Variants in ANKMY1 observed in about 807,000 individuals in gnomAD.
ANKMY1 encodes ankyrin repeat and MYND domain-containing protein 1.
In ANKMY1, 98 loss-of-function variants were observed where a neutral mutation model predicts 102.0. The observed-to-expected ratio is 0.96, with a 90% CI of 0.82 to 1.14. The LOEUF (loss-of-function observed/expected upper bound fraction) is 1.14. ANKMY1 is among the 50% of genes most tolerant of loss of function. ANKMY1 has a pLI of 0.00. For missense variants in ANKMY1, 1,330 were observed against 1,347.6 expected (o/e 0.99, Z 0.20); for synonymous variants, 582 against 559.9 (o/e 1.04, Z -0.56).
At position 240,479,657 on chromosome 2, in the gene ANKMY1, T is replaced by C. The variant is rs1009942528; in HGVS notation, c.3047-2A>G. On this transcript the variant is annotated splice_acceptor_variant, in intron 17 of 17. Coordinates refer to ENST00000401804, the MANE Select transcript of ANKMY1 (RefSeq NM_001282771.3). LOFTEE classifies it high-confidence loss of function. ...TGGAAACTTGCTCCAGTTGTGTCAC[T>C]GGAGGAGGAAAAGGTGTGGGGGAGG... is the stretch of plus-strand genomic sequence containing the variant. The C allele has an allele frequency of 3.7e-6, 6 of 1,612,792 alleles. No homozygotes were observed. The African/African-American group carries it at 4.0e-5, about 11-fold the overall frequency.
intron 15 of ANKMY1, among the ~76,000 whole-genome samples, chr2:240,497,421 G>C (rs1417819803): frequency 1.3e-5 from 2 of 152,242 alleles, no homozygotes; most frequent in African/African-American, 4.8e-5. Context: ...CTGGAATAGA[G>C]TTTCTGCCTC....
chr2:240,478,311 C>T (rs543961677), downstream of ANKMY1, among the ~76,000 whole-genome samples: 5 of 152,244 alleles, frequency 3.3e-5, no homozygotes, highest in Non-Finnish European at 7.3e-5. Flanking sequence ...GGATAATTGT[C>T]ACTTACAGGT....
intron 13 of ANKMY1, among the ~76,000 whole-genome samples, chr2:240,501,948 G>A (rs1029114272): frequency 2.0e-5 from 3 of 152,196 alleles, no homozygotes; most frequent in Non-Finnish European, 4.4e-5. Flanking sequence ...TCCTTCCTGC[G>A]GAAGCCATGA....
At chr2:240,547,577 G>T (rs1167635788) in intron 4 of ANKMY1, among the ~76,000 whole-genome samples, 6 of 145,330 alleles carry the variant, frequency 4.1e-5, no homozygotes, top group Admixed American at 4.1e-4. Context: ...TCCAGGAGCT[G>T]GTTTTTTGAA....
At chr2:240,541,982 G>A (rs545270531) in intron 4 of ANKMY1, among the ~76,000 whole-genome samples, 39 of 151,926 alleles carry the variant, frequency 2.6e-4, no homozygotes, top group Non-Finnish European at 4.9e-4. Context: ...GGCCAAGGTG[G>A]GCAGATCACC....
chr2:240,497,095 G>A (rs2077362327), intron 15 of ANKMY1, among the ~76,000 whole-genome samples: 1 of 151,358 alleles, frequency 6.6e-6, no homozygotes, highest in Non-Finnish European at 1.5e-5. Context: ...GATAAGAATG[G>A]AGCCGCCACC....
In ANKMY1 at chr2:240,540,355, C is replaced by T. The variant is rs548210501; in HGVS notation, c.481-10846G>A. On this transcript the variant is annotated intron_variant, in intron 4 of 17. Coordinates refer to ENST00000401804, the MANE Select transcript of ANKMY1 (RefSeq NM_001282771.3). The stretch of plus-strand genomic sequence containing the variant: ...TTTCCCTGAGCCATGGTCATGAAAC[C>T]GACCCAACAGCCCCATAGACAGTTT... Among the ~76,000 whole-genome samples, 8 of 152,298 alleles carry T rather than the reference C, an allele frequency of 5.3e-5. No individual in the cohort carries two copies. In the South Asian group the frequency reaches 1.2e-3, roughly 24 times the overall value.
At chr2:240,548,448 G>A (rs1482218693) in intron 4 of ANKMY1, among the ~76,000 whole-genome samples, 2 of 151,278 alleles carry the variant, frequency 1.3e-5, no homozygotes, top group African/African-American at 2.4e-5. Flanking sequence ...CTTTGAAAAC[G>A]GGCACAAGAC....
At chr2:240,517,000 T>C (rs1575093964) in intron 9 of ANKMY1, among the ~76,000 whole-genome samples, 1 of 152,356 alleles carries the variant, frequency 6.6e-6, no homozygotes, top group Non-Finnish European at 1.5e-5. Context: ...GAGTAGAGTA[T>C]ATACTCTTGC....
intron 12 of ANKMY1, 66 bp from the exon 13 acceptor site, chr2:240,507,757 C>A: frequency 6.6e-7 from 1 of 1,524,286 alleles, no homozygotes; most frequent in Non-Finnish European, 8.8e-7. Flanking sequence ...GGGGAAGGCC[C>A]CAGGGCTGGG....
rs2092124771 is a variant in ANKMY1 at position 240,554,954 on chromosome 2, T to C, written c.248A>G (p.Gln83Arg). 1.2e-6 allele frequency: 2 copies of C among 1,614,166 alleles called. No homozygotes were observed. Among genetic ancestry groups the C allele is most frequent in the Non-Finnish European group, 1.7e-6 (2 of 1,180,020 alleles). The part of the protein sequence containing the change: ...ESYIQLVQGV[Q>R]EWQDGCMYQG... ...GTACATGCAACCATCCTGCCACTCC[T>C]GCACACCCTGGACGAGCTGGATGTA... is the stretch of plus-strand genomic sequence containing the variant. The change falls in exon 3 of 18, where the codon CAG becomes CGG. Residue 83 changes from glutamine (Q) to arginine (R), a missense_variant. Physicochemically the swap from Gln to Arg is conservative, Grantham distance 43. Coordinates refer to ENST00000401804, the MANE Select transcript of ANKMY1 (RefSeq NM_001282771.3).
downstream of ANKMY1, among the ~76,000 whole-genome samples, chr2:240,476,324 C>CAT (rs1318992439): frequency 2.0e-5 from 3 of 152,126 alleles, no homozygotes; most frequent in African/African-American, 7.2e-5. Context: ...TATCTTACAC[C>CAT]ATATACCCTT....
downstream of ANKMY1, among the ~76,000 whole-genome samples, chr2:240,477,632 C>T (rs1294003537): frequency 6.6e-6 from 1 of 152,180 alleles, no homozygotes; most frequent in African/African-American, 2.4e-5. Context: ...AGCAATCCGC[C>T]TGCCTCGGCC....
At chr2:240,519,557 C>G (rs1247394358) in intron 9 of ANKMY1, among the ~76,000 whole-genome samples, 1 of 152,120 alleles carries the variant, frequency 6.6e-6, no homozygotes, top group South Asian at 2.1e-4. Context: ...GGGCAGCGAC[C>G]GATTCCATTC....
chr2:240,533,676 G>C (rs1013487842), intron 4 of ANKMY1, among the ~76,000 whole-genome samples: 10 of 150,396 alleles, frequency 6.6e-5, no homozygotes, highest in Admixed American at 6.0e-4. Context: ...GGACAATGCA[G>C]GTCTAAATGA....
chr2:240,544,182 G>T (rs1001018388), intron 4 of ANKMY1, among the ~76,000 whole-genome samples: 25 of 152,114 alleles, frequency 1.6e-4, no homozygotes, highest in African/African-American at 6.0e-4. Context: ...TGTTAAGGAA[G>T]GTTATAAAGA....
chr2:240,507,476 C>A (rs1267690026), intron 13 of ANKMY1, 84 bp downstream of exon 13: 2 of 1,484,172 alleles, frequency 1.3e-6, no homozygotes, highest in African/African-American at 2.8e-5. Context: ...ATCAGGGCCA[C>A]CCAGCCCTCA....
At position 240,525,861 on chromosome 2, in the gene ANKMY1, T is replaced by G. The variant is rs2083266904; in HGVS notation, c.1171-12A>C. 6.2e-7 allele frequency: 1 copy of G among 1,613,106 alleles called. No homozygotes were observed. Among genetic ancestry groups the G allele is most frequent in the African/African-American group, 1.3e-5 (1 of 74,964 alleles). On this transcript the variant is annotated splice_polypyrimidine_tract_variant and intron_variant, in intron 6 of 17. Transcript: ENST00000401804. ...TTGTGGCAGTGAGTCTGGAGGGAGA[T>G]GAGGCAGGACTCAGGATGATGCACC...
chr2:240,497,532 C>G (rs890374722), intron 15 of ANKMY1, among the ~76,000 whole-genome samples: 1 of 152,202 alleles, frequency 6.6e-6, no homozygotes, highest in Admixed American at 6.5e-5. Context: ...ATAAATGTTT[C>G]TTTGTATGCT....
Sources: allele counts gnomAD v4.1 joint callset (sites outside exome capture counted in the v4.1 genomes callset), GRCh38; gene constraint gnomAD v4.1.1; transcripts MANE v1.5; gene names NCBI Gene and HGNC (gene_info 2026-07-23, HGNC 2026-07-21).